NEK5: variants seen among roughly 807,000 people sequenced by gnomAD.
NEK5 encodes serine/threonine-protein kinase Nek5.
In NEK5, 88 loss-of-function variants were observed where a neutral mutation model predicts 109.2. The observed-to-expected ratio is 0.81, with a 90% confidence interval of 0.68 to 0.96. The LOEUF (loss-of-function observed/expected upper bound fraction) is 0.96. Ranked by LOEUF, NEK5 falls within the 40% of genes least tolerant of loss-of-function variation. The pLI, the probability that NEK5 is intolerant of heterozygous loss-of-function variation, is 0.00. For synonymous variants in NEK5, 283 were observed against 299.9 expected, an observed-to-expected ratio of 0.94 and a Z score of 0.58; for missense variants, 834 against 920.7, an observed-to-expected ratio of 0.91 and a Z score of 1.22.
chr13:52,127,549 A>G (rs1956089671), intron 2 of NEK5, 45 bp from the exon 3 acceptor site: 1 of 873,872 alleles, frequency 1.1e-6, no homozygotes, highest in Non-Finnish European at 1.9e-6. Context: ...TCTCATAAAG[A>G]CTAACAAAGT....
At chr13:52,090,235 G>T (rs775719026) in intron 13 of NEK5, among the ~76,000 whole-genome samples, 1 of 152,108 alleles carries the variant, frequency 6.6e-6, no homozygotes, top group Non-Finnish European at 1.5e-5. Context: ...AGAATTTCCT[G>T]TAAAACATTT....
chr13:52,114,061 A>T (rs1955804958), intron 4 of NEK5, among the ~76,000 whole-genome samples: 2 of 152,204 alleles, frequency 1.3e-5, no homozygotes, highest in South Asian at 4.1e-4. Context: ...AAAACAGATG[A>T]TTTTCTGCTC....
intron 4 of NEK5, among the ~76,000 whole-genome samples, chr13:52,117,850 AAGT>A (rs1955891376): frequency 6.6e-6 from 1 of 152,246 alleles, no homozygotes; most frequent in Non-Finnish European, 1.5e-5. Context: ...GCCTGAGGAT[AAGT>A]AGGAGTTAGC....
rs553487188 is a variant in NEK5, at chr13:52,036,642, A to G, written c.*306T>C. 1 of 152,240 alleles carries G rather than the reference A, an allele frequency of 6.6e-6. No homozygotes were observed. Among genetic ancestry groups the G allele is most frequent in the African/African-American group, 2.4e-5 (1 of 41,514 alleles). The allele number at this position is 152,240 out of a possible 1,614,324, so 9.4% of individuals were successfully genotyped here. On this transcript the variant is annotated 3_prime_UTR_variant, in exon 24 of 24. Transcript: ENST00000684899. The stretch of plus-strand genomic sequence containing the variant: ...CACCACCATGCCCAGCTAATTTTGT[A>G]TTTTTAGTAGAGACGGGGTTTCACC...
At chr13:52,056,078 G>A (rs1401220302) in intron 22 of NEK5, among the ~76,000 whole-genome samples, 3 of 152,164 alleles carry the variant, frequency 2.0e-5, no homozygotes, top group African/African-American at 7.2e-5. Flanking sequence ...ACACACATAC[G>A]CTCAAAATAA....
chr13:52,071,869 G>T, intron 20 of NEK5, 75 bp downstream of exon 20: 3 of 1,301,466 alleles, frequency 2.3e-6, no homozygotes, highest in Non-Finnish European at 3.3e-6. Context: ...CGAGGCAGAT[G>T]CATGGGGACA....
At chr13:52,083,101 G>A (rs779056911) in intron 17 of NEK5, among the ~76,000 whole-genome samples, 159 bp downstream of exon 17, 3 of 151,890 alleles carry the variant, frequency 2.0e-5, no homozygotes, top group Non-Finnish European at 2.9e-5. Flanking sequence ...AGCCAAGATC[G>A]CACGACTGCA....
At chr13:52,060,777 C>T (rs1352153992) in intron 22 of NEK5, among the ~76,000 whole-genome samples, 1 of 152,180 alleles carries the variant, frequency 6.6e-6, no homozygotes, top group Non-Finnish European at 1.5e-5. Flanking sequence ...GGGATCCCTG[C>T]TTGCCTGCAG....
chr13:52,040,967 A>AT (rs1165806353), intron 23 of NEK5, among the ~76,000 whole-genome samples: 1 of 151,978 alleles, frequency 6.6e-6, no homozygotes, highest in Middle Eastern at 3.2e-3. Flanking sequence ...CATTACTGGT[A>AT]TTTTTTTTCT....
chr13:52,087,488 C>T (rs756466169), intron 14 of NEK5, 34 bp from the exon 15 acceptor site: 3 of 1,079,528 alleles, frequency 2.8e-6, no homozygotes, highest in Non-Finnish European at 4.2e-6. Flanking sequence ...ATAATGCATA[C>T]TTTGATTTCG....
intron 4 of NEK5, among the ~76,000 whole-genome samples, chr13:52,117,106 G>C (rs1308515500): frequency 1.3e-5 from 2 of 152,120 alleles, no homozygotes; most frequent in Non-Finnish European, 2.9e-5. Flanking sequence ...ATTTTTAGTA[G>C]AGACGGGGTT....
At chr13:52,077,903 T>C (rs1411603814) in intron 17 of NEK5, among the ~76,000 whole-genome samples, 1 of 151,924 alleles carries the variant, frequency 6.6e-6, no homozygotes, top group Non-Finnish European at 1.5e-5. Flanking sequence ...GGTGAAACCC[T>C]GTCTCTATTA....
intron 14 of NEK5, 50 bp from the exon 15 acceptor site, chr13:52,087,504 ATCT>A (rs1955174759): frequency 1.1e-6 from 1 of 916,768 alleles, no homozygotes. Context: ...TTTCGGAAAC[ATCT>A]TCTGATTTGA....
intron 21 of NEK5, chr13:52,064,722 C>T (rs1046859174): frequency 3.0e-5 from 7 of 233,890 alleles, no homozygotes; most frequent in South Asian, 4.8e-5. Context: ...GGATGGTTGC[C>T]GTGTCTGTGT....
intron 7 of NEK5, among the ~76,000 whole-genome samples, chr13:52,109,185 A>G (rs1429360748): frequency 2.0e-5 from 3 of 152,048 alleles, no homozygotes. Flanking sequence ...CCCCCAACCA[A>G]CTCATAAACC....
chr13:52,071,232 G>A (rs1396959673), intron 20 of NEK5, among the ~76,000 whole-genome samples: 2 of 152,128 alleles, frequency 1.3e-5, no homozygotes, highest in African/African-American at 4.8e-5. Context: ...CCCAGGTTGG[G>A]GGTGGGGATG....
intron 17 of NEK5, among the ~76,000 whole-genome samples, chr13:52,080,723 T>A (rs374382847): frequency 6.6e-6 from 1 of 151,942 alleles, no homozygotes; most frequent in Non-Finnish European, 1.5e-5. Context: ...CACCACTCCC[T>A]AATCTCAAGT....
At position 52,087,943 on chromosome 13, in the gene NEK5, T is replaced by C. The variant is rs1955189409; in HGVS notation, c.1276-489A>G. Among the ~76,000 whole-genome samples, 11 of 149,862 alleles carry C rather than the reference T, an allele frequency of 7.3e-5. No individual in the cohort carries two copies. In the South Asian group the frequency reaches 2.3e-3, roughly 32 times the overall value. ...CCCAGCCTTTCTTTTTTTTTTTTTT[T>C]TTAAGACAGAGTCTCACTCTGTCAC... is the stretch of plus-strand genomic sequence containing the variant. On this transcript the variant is annotated intron_variant, in intron 14 of 23. Transcript: ENST00000684899.
At chr13:52,065,434 C>G (rs768804337) in intron 21 of NEK5, 50 bp downstream of exon 21, 1 of 1,613,394 alleles carries the variant, frequency 6.2e-7, no homozygotes, top group Non-Finnish European at 8.5e-7. Context: ...CTGGGCTGTA[C>G]GGGTCCTTGG....
Sources: gnomAD v4.1 joint callset for allele counts (sites outside exome capture counted in the v4.1 genomes callset) on GRCh38, gnomAD v4.1.1 for gene constraint, MANE v1.5 for transcripts, NCBI Gene and HGNC (gene_info 2026-07-23, HGNC 2026-07-21) for gene names.